DRD2: variants seen among roughly 807,000 people sequenced by gnomAD.
DRD2 encodes the protein dopamine receptor D2.
DRD2 carries 8 observed loss-of-function variants against 38.0 expected under a neutral mutation model. The ratio of observed to expected loss-of-function variants is 0.21; its 90% CI spans 0.12 to 0.38. The LOEUF (loss-of-function observed/expected upper bound fraction) is 0.38. DRD2 is among the 10% of genes least tolerant of loss of function. DRD2 has a pLI of 1.00. For synonymous variants in DRD2, 230 were observed against 238.6 expected (o/e 0.96, Z 0.33); for missense variants, 403 against 607.7 (o/e 0.66, Z 3.54).
chr11:113,420,920 G>A (rs1950878754), intron 2 of DRD2, among the ~76,000 whole-genome samples: 1 of 152,136 alleles, frequency 6.6e-6, no homozygotes. Context: ...ATTCCTTAAT[G>A]CTCTTGCTCA....
chr11:113,429,514 G>C (rs942370033), intron 1 of DRD2, among the ~76,000 whole-genome samples: 3 of 152,046 alleles, frequency 2.0e-5, no homozygotes, highest in Non-Finnish European at 4.4e-5. Context: ...CAGAGTGCTG[G>C]GATTACAGGC....
intron 1 of DRD2, among the ~76,000 whole-genome samples, chr11:113,466,502 C>T (rs1003410312): frequency 5.3e-5 from 8 of 152,188 alleles, no homozygotes; most frequent in Non-Finnish European, 1.2e-4. Flanking sequence ...AACTTCCATG[C>T]CCTGTGACAA....
At chr11:113,458,122 A>C (rs962576256) in intron 1 of DRD2, among the ~76,000 whole-genome samples, 1 of 152,284 alleles carries the variant, frequency 6.6e-6, no homozygotes, top group African/African-American at 2.4e-5. Context: ...AATTAGAAAA[A>C]CAACTGCCTG....
intron 5 of DRD2, chr11:113,415,196 C>T: frequency 2.3e-6 from 1 of 438,268 alleles, no homozygotes. Flanking sequence ...AAGACTTCCC[C>T]TTGTTATTTA....
chr11:113,473,679 C>T (rs1044227667), intron 1 of DRD2, among the ~76,000 whole-genome samples: 23 of 152,138 alleles, frequency 1.5e-4, no homozygotes, highest in African/African-American at 5.6e-4. Flanking sequence ...GAATTTTGAA[C>T]ACTAAGGAGG....
At chr11:113,419,716 C>G (rs934397190) in intron 2 of DRD2, among the ~76,000 whole-genome samples, 2 of 152,306 alleles carry the variant, frequency 1.3e-5, no homozygotes, top group Non-Finnish European at 2.9e-5. Context: ...CTTCGTGTCA[C>G]CGTGTAGCTT....
chr11:113,463,905 G>A (rs929525990), intron 1 of DRD2, among the ~76,000 whole-genome samples: 3 of 152,288 alleles, frequency 2.0e-5, no homozygotes, highest in Admixed American at 2.0e-4. Context: ...GTGATACCTG[G>A]GCTCTGTTTT....
intron 1 of DRD2, among the ~76,000 whole-genome samples, chr11:113,426,922 T>A (rs1298120603): frequency 1.3e-5 from 2 of 152,204 alleles, no homozygotes; most frequent in Non-Finnish European, 2.9e-5. Context: ...CTTCTGACAT[T>A]CATTTACTCA....
intron 1 of DRD2, among the ~76,000 whole-genome samples, chr11:113,471,946 A>G (rs1224848689): frequency 6.6e-6 from 1 of 152,190 alleles, no homozygotes; most frequent in East Asian, 1.9e-4. Flanking sequence ...ATATAACTTG[A>G]TTCTGGGAGA....
chr11:113,458,352 G>A (rs1951286114), intron 1 of DRD2, among the ~76,000 whole-genome samples: 1 of 151,972 alleles, frequency 6.6e-6, no homozygotes, highest in Non-Finnish European at 1.5e-5. Flanking sequence ...TGACCCACAT[G>A]GGTGATATGG....
At chr11:113,455,859 A>G (rs1456805426) in intron 1 of DRD2, among the ~76,000 whole-genome samples, 1 of 152,220 alleles carries the variant, frequency 6.6e-6, no homozygotes, top group Non-Finnish European at 1.5e-5. Flanking sequence ...TAACATAGCC[A>G]TTTTGGAGAA....
At chr11:113,441,577 GCAA>G (rs1159962477) in intron 1 of DRD2, among the ~76,000 whole-genome samples, 1 of 152,146 alleles carries the variant, frequency 6.6e-6, no homozygotes, top group African/African-American at 2.4e-5. Context: ...TTCTTGCATG[GCAA>G]CAACAAGCTG....
chr11:113,449,799 G>A (rs1951193060), intron 1 of DRD2, among the ~76,000 whole-genome samples: 1 of 152,192 alleles, frequency 6.6e-6, no homozygotes, highest in South Asian at 2.1e-4. Context: ...TCCAAGAATT[G>A]GAGCCAGAGA....
In DRD2 at chr11:113,470,374, T is replaced by C. The variant is rs182184633; in HGVS notation, c.-32+4702A>G. On this transcript the variant is annotated intron_variant, in intron 1 of 7. Transcript: ENST00000362072. ...CGTTGGGGCCACAGCTGCAGTTCTG[T>C]GCTGAGCGACAGCTTCCTGGAAGGC... 9.5e-4 allele frequency among the ~76,000 whole-genome samples: 145 copies of C among 152,272 alleles called. 2 individuals are homozygous for C. In the East Asian group the frequency reaches 0.025, roughly 26 times the overall value.
At chr11:113,414,067 G>A in intron 6 of DRD2, 4 of 407,494 alleles carry the variant, frequency 9.8e-6, no homozygotes, top group Middle Eastern at 7.8e-4. Flanking sequence ...CGGGGTCGTG[G>A]TGAGGATTTG....
intron 1 of DRD2, among the ~76,000 whole-genome samples, chr11:113,469,952 A>G (rs1951406814): frequency 6.6e-6 from 1 of 152,244 alleles, no homozygotes; most frequent in Non-Finnish European, 1.5e-5. Context: ...TGAAGAACCT[A>G]TGTCAAGTGC....
chr11:113,453,524 T>C lies in DRD2; in HGVS notation c.-32+21552A>G, dbSNP rs1399498692. Reference sequence around the variant, plus strand: ...CTTGTATTCTTCTCTGTCTTGGATTTGTTAGTTATGCCTTCTTAGGTAGAT... The same window carrying C: ...CTTGTATTCTTCTCTGTCTTGGATTCGTTAGTTATGCCTTCTTAGGTAGAT... On this transcript the variant is annotated intron_variant, in intron 1 of 7. Transcript: ENST00000362072. Among the ~76,000 whole-genome samples the C allele has an allele frequency of 2.6e-5, 4 of 152,372 alleles. No individual in the cohort carries two copies. The East Asian group carries it at 7.7e-4, about 29-fold the overall frequency.
chr11:113,459,052 A>G (rs7131056), intron 1 of DRD2, among the ~76,000 whole-genome samples: 1 of 151,976 alleles, frequency 6.6e-6, no homozygotes, highest in South Asian at 2.1e-4. Context: ...GGCTCAAATA[A>G]CAGCTTCAGT....
In DRD2 at chr11:113,432,654, CA is replaced by C. The variant is rs1950998732; in HGVS notation, c.-31-7973del. Reference sequence around the variant, plus strand: ...AAGAAAGCATTTTGTATTTGCATCTCAAAAGCAGCCTACTGGAGTGACTTGA... The same window carrying C: ...AAGAAAGCATTTTGTATTTGCATCTCAAAGCAGCCTACTGGAGTGACTTGA... On this transcript the variant is annotated intron_variant, in intron 1 of 7. Coordinates refer to ENST00000362072, the MANE Select transcript of DRD2 (RefSeq NM_000795.4). Among the ~76,000 whole-genome samples, 19 of 152,234 alleles carry C rather than the reference CA, an allele frequency of 1.2e-4. No homozygotes were observed. In the South Asian group the frequency reaches 3.9e-3, roughly 32 times the overall value.
Sources: gnomAD v4.1 joint callset for allele counts (sites outside exome capture counted in the v4.1 genomes callset) on GRCh38, gnomAD v4.1.1 for gene constraint, MANE v1.5 for transcripts, NCBI Gene and HGNC (gene_info 2026-07-23, HGNC 2026-07-21) for gene names.